Variants in FRAS1 observed in about 807,000 individuals in gnomAD.
FRAS1 encodes Fraser extracellular matrix complex subunit 1, also known as extracellular matrix organizing protein FRAS1.
A neutral mutation model predicts 435.2 loss-of-function variants in FRAS1; 290 were observed. The observed-to-expected ratio is 0.67, with a 90% CI of 0.61 to 0.73. The LOEUF (loss-of-function observed/expected upper bound fraction) is 0.73, where lower values mean the gene tolerates loss of function less well. Among genes scored for constraint, FRAS1 ranks in the 30% least tolerant of loss-of-function variants. FRAS1 has a pLI of 0.00. For missense variants in FRAS1, 4,860 were observed against 5,001.5 expected (o/e 0.97, Z 0.85); for synonymous variants, 1,800 against 1,851.0 (o/e 0.97, Z 0.71).
At chr4:78,412,191 T>C (rs1733365704) in intron 31 of FRAS1, among the ~76,000 whole-genome samples, 1 of 146,566 alleles carries the variant, frequency 6.8e-6, no homozygotes, top group Non-Finnish European at 1.5e-5. Flanking sequence ...TTTAAAGACA[T>C]AGGGAAAGGG....
chr4:78,531,613 T>C (rs1721718406), intron 70 of FRAS1, among the ~76,000 whole-genome samples: 1 of 152,198 alleles, frequency 6.6e-6, no homozygotes, highest in Non-Finnish European at 1.5e-5. Flanking sequence ...TCCCACAAAC[T>C]TGCTGCTTCT....
At chr4:78,464,957 C>G (rs745782847) in intron 49 of FRAS1, among the ~76,000 whole-genome samples, 10 of 152,192 alleles carry the variant, frequency 6.6e-5, no homozygotes, top group Non-Finnish European at 1.3e-4. Context: ...TACCCTTTCT[C>G]CCTTTCACCT....
chr4:78,434,566 C>T (rs1734340999), intron 38 of FRAS1, among the ~76,000 whole-genome samples: 1 of 152,072 alleles, frequency 6.6e-6, no homozygotes, highest in Non-Finnish European at 1.5e-5. Context: ...TTACATATTA[C>T]ATACCTATGA....
chr4:78,523,203 G>A (rs1721440846), intron 69 of FRAS1, among the ~76,000 whole-genome samples: 1 of 152,118 alleles, frequency 6.6e-6, no homozygotes, highest in African/African-American at 2.4e-5. Flanking sequence ...TTATTGCAAG[G>A]GTGAGACCAG....
intron 2 of FRAS1, among the ~76,000 whole-genome samples, chr4:78,170,854 G>A (rs991427790): frequency 6.6e-6 from 1 of 151,950 alleles, no homozygotes; most frequent in Non-Finnish European, 1.5e-5. Context: ...GCATCCTCAG[G>A]TGAAATTGCT....
In FRAS1 at chr4:78,471,168, A is replaced by G. The variant is rs115764149; in HGVS notation, c.7372-1012A>G. On this transcript the variant is annotated intron_variant, in intron 51 of 73. Transcript: ENST00000512123. Reference sequence around the variant, plus strand: ...AATTGGTCATTTTAAGATCTATGCCATAATTTTCACCTAGTAATCATGTCA... The same window carrying G: ...AATTGGTCATTTTAAGATCTATGCCGTAATTTTCACCTAGTAATCATGTCA... Among the ~76,000 whole-genome samples, 769 of 152,298 alleles carry G rather than the reference A, an allele frequency of 5.0e-3. 2 individuals carry two copies. Among genetic ancestry groups the G allele is most frequent in the South Asian group, 0.026 (123 of 4,802 alleles).
At chr4:78,221,663 A>AT (rs1474664711) in intron 2 of FRAS1, among the ~76,000 whole-genome samples, 1 of 152,164 alleles carries the variant, frequency 6.6e-6, no homozygotes, top group African/African-American at 2.4e-5. Flanking sequence ...CATTTTTAGA[A>AT]GGGGCTCTTA....
intron 68 of FRAS1, 136 bp from the exon 69 acceptor site, chr4:78,522,513 C>A (rs571964028): frequency 2.6e-5 from 19 of 737,756 alleles, no homozygotes; most frequent in Non-Finnish European, 3.7e-5. Flanking sequence ...TTCTAAGGGG[C>A]AAAATGGGCT....
intron 38 of FRAS1, among the ~76,000 whole-genome samples, chr4:78,433,726 T>G (rs1237957586): frequency 6.6e-6 from 1 of 152,222 alleles, no homozygotes; most frequent in East Asian, 1.9e-4. Context: ...GTTATGGTTT[T>G]TTGAATCTTA....
chr4:78,185,632 G>A (rs1326451598), intron 2 of FRAS1, among the ~76,000 whole-genome samples: 1 of 152,164 alleles, frequency 6.6e-6, no homozygotes, highest in Non-Finnish European at 1.5e-5. Context: ...CTGACTGGTT[G>A]ATTGTCATAC....
intron 20 of FRAS1, among the ~76,000 whole-genome samples, chr4:78,347,780 T>G (rs932003904): frequency 2.1e-5 from 2 of 93,704 alleles, no homozygotes; most frequent in Admixed American, 2.0e-4. Flanking sequence ...TGTGCGTGTG[T>G]GTGTGTGTTT....
chr4:78,444,377 T>A (rs996109959), intron 41 of FRAS1, among the ~76,000 whole-genome samples: 2 of 152,098 alleles, frequency 1.3e-5, no homozygotes, highest in Non-Finnish European at 2.9e-5. Flanking sequence ...AAAAAATTCA[T>A]GTTATTGAAG....
At chr4:78,182,060 C>A in intron 2 of FRAS1, 2 of 1,506,014 alleles carry the variant, frequency 1.3e-6, no homozygotes, top group Non-Finnish European at 1.8e-6. Context: ...GGTGGCTCGG[C>A]GGCGGGTTCC....
intron 2 of FRAS1, among the ~76,000 whole-genome samples, chr4:78,067,918 G>A (rs1713182972): frequency 6.7e-6 from 1 of 149,328 alleles, no homozygotes; most frequent in Admixed American, 6.7e-5. Flanking sequence ...TGGCCAGGCT[G>A]GTCTTGAATT....
At chr4:78,262,255 C>G (rs1252645861) in intron 6 of FRAS1, among the ~76,000 whole-genome samples, 1 of 152,212 alleles carries the variant, frequency 6.6e-6, no homozygotes, top group Non-Finnish European at 1.5e-5. Flanking sequence ...TACACCGGGG[C>G]ACTCTCCTTC....
At chr4:78,215,550 C>A (rs1723730749) in intron 2 of FRAS1, among the ~76,000 whole-genome samples, 1 of 152,266 alleles carries the variant, frequency 6.6e-6, no homozygotes, top group East Asian at 1.9e-4. Context: ...TGTTGTACAA[C>A]CAATCCACAG....
chr4:78,397,283 C>G (rs917641383), intron 29 of FRAS1, among the ~76,000 whole-genome samples: 9 of 152,326 alleles, frequency 5.9e-5, no homozygotes, highest in African/African-American at 1.9e-4. Context: ...TCTTGTTCCC[C>G]CTTCAGGGGC....
At chr4:78,124,811 G>A (rs550851170) in intron 2 of FRAS1, among the ~76,000 whole-genome samples, 79 of 152,136 alleles carry the variant, frequency 5.2e-4, no homozygotes, top group African/African-American at 1.7e-3. Flanking sequence ...CTGTGGGATC[G>A]GTGGTGATAT....
At chr4:78,271,776 C>G (rs7698625) in intron 9 of FRAS1, among the ~76,000 whole-genome samples, 63 of 152,082 alleles carry the variant, frequency 4.1e-4, no homozygotes, top group Non-Finnish European at 7.5e-4. Context: ...AATAAACATA[C>G]GTGTGCATGT....
Sources: gnomAD v4.1 joint callset for allele counts (sites outside exome capture counted in the v4.1 genomes callset) on GRCh38, gnomAD v4.1.1 for gene constraint, MANE v1.5 for transcripts, NCBI Gene and HGNC (gene_info 2026-07-23, HGNC 2026-07-21) for gene names.